Variants in SORCS3 observed in about 807,000 individuals in gnomAD.
SORCS3 encodes the protein sortilin related VPS10 domain containing receptor 3.
A neutral mutation model predicts 146.3 loss-of-function variants in SORCS3; 57 were observed. That is an observed-to-expected ratio of 0.39 (90% CI 0.31 to 0.49). The LOEUF (loss-of-function observed/expected upper bound fraction) is 0.49. SORCS3 is among the 20% of genes least tolerant of loss of function. The probability of loss-of-function intolerance (pLI) is 0.92; values close to 1 mark genes in which losing one functional copy is unlikely to be tolerated. For synonymous variants in SORCS3, 653 were observed against 618.5 expected (o/e 1.06, Z -0.83); for missense variants, 1,341 against 1,575.5 (o/e 0.85, Z 2.52).
At position 104,863,393 on chromosome 10, in the gene SORCS3, G is replaced by A. The variant is rs145548354; in HGVS notation, c.695+20534G>A. Among the ~76,000 whole-genome samples, 353 of 152,200 alleles carry A rather than the reference G, an allele frequency of 2.3e-3. 1 individual carries two copies. Among genetic ancestry groups the A allele is most frequent in the African/African-American group, 8.1e-3 (338 of 41,526 alleles). On this transcript the variant is annotated intron_variant, in intron 2 of 26. Coordinates refer to ENST00000369701, the MANE Select transcript of SORCS3 (RefSeq NM_014978.3). ...GGAATTTCTTCTTCTCTCCTCTTAC[G>A]CATTTTTAGGACCTAGGATGTGTTC...
chr10:105,071,619 T>A (rs1422071599), intron 5 of SORCS3, among the ~76,000 whole-genome samples: 1 of 152,220 alleles, frequency 6.6e-6, no homozygotes, highest in African/African-American at 2.4e-5. Flanking sequence ...AATAAGCACA[T>A]TATAGAGAAA....
intron 4 of SORCS3, among the ~76,000 whole-genome samples, chr10:104,983,950 G>A (rs1192266163): frequency 6.6e-6 from 1 of 152,028 alleles, no homozygotes; most frequent in East Asian, 1.9e-4. Context: ...TACATCTCAT[G>A]AGTCTGATGA....
At chr10:105,182,230 C>CTTTTTTTTTTT (rs11340368) in intron 14 of SORCS3, among the ~76,000 whole-genome samples, 1,477 of 70,372 alleles carry the variant, frequency 0.021, 182 homozygotes, top group South Asian at 0.051. Context: ...TATTCAGCAT[C>CTTTTTTTTTTT]TTTTTTTTTT....
chr10:104,768,986 C>T (rs1330552678), intron 1 of SORCS3, among the ~76,000 whole-genome samples: 1 of 152,192 alleles, frequency 6.6e-6, no homozygotes, highest in Non-Finnish European at 1.5e-5. Flanking sequence ...CCAGCACCCT[C>T]TCTGCAGAAT....
At chr10:105,081,495 C>T (rs544861317) in intron 5 of SORCS3, among the ~76,000 whole-genome samples, 2 of 152,284 alleles carry the variant, frequency 1.3e-5, no homozygotes, top group Non-Finnish European at 2.9e-5. Flanking sequence ...GAGGTTGTAG[C>T]GTCCAGCTCT....
intron 1 of SORCS3, among the ~76,000 whole-genome samples, chr10:104,782,479 A>G (rs901662714): frequency 6.6e-6 from 1 of 152,232 alleles, no homozygotes; most frequent in Non-Finnish European, 1.5e-5. Context: ...AAGATGTGCA[A>G]TAAGATTGCA....
At chr10:104,791,502 C>T (rs2017495248) in intron 1 of SORCS3, among the ~76,000 whole-genome samples, 1 of 152,122 alleles carries the variant, frequency 6.6e-6, no homozygotes. Context: ...GATCTAAGAC[C>T]ACTCAGGAGA....
At chr10:105,091,012 A>G (rs989075296) in intron 6 of SORCS3, among the ~76,000 whole-genome samples, 2 of 152,090 alleles carry the variant, frequency 1.3e-5, no homozygotes, top group African/African-American at 2.4e-5. Context: ...TTTTATTTTT[A>G]AAAGAGTTAG....
At chr10:104,948,785 T>G (rs1244910469) in intron 3 of SORCS3, among the ~76,000 whole-genome samples, 1 of 152,168 alleles carries the variant, frequency 6.6e-6, no homozygotes, top group Non-Finnish European at 1.5e-5. Context: ...ACATCCAGGA[T>G]GCCCTTTTTT....
chr10:104,843,085 G>A (rs1388046328), intron 2 of SORCS3, among the ~76,000 whole-genome samples: 1 of 152,198 alleles, frequency 6.6e-6, no homozygotes, highest in African/African-American at 2.4e-5. Flanking sequence ...CCCTCTCATT[G>A]CTTCTGTGCT....
At chr10:104,692,341 G>T (rs74155017) in intron 1 of SORCS3, among the ~76,000 whole-genome samples, 8,443 of 152,098 alleles carry the variant, frequency 0.056, 258 homozygotes, top group African/African-American at 0.08. Context: ...GTGCCTCAGT[G>T]GTCAAGGGCA....
rs969105257 is a variant in SORCS3 at position 104,988,261 on chromosome 10, G to A, written c.954+10768G>A. 7.9e-5 allele frequency among the ~76,000 whole-genome samples: 12 copies of A among 152,180 alleles called. No individual in the cohort carries two copies. In the East Asian group the frequency reaches 1.2e-3, roughly 15 times the overall value. On this transcript the variant is annotated intron_variant, in intron 4 of 26. Coordinates refer to ENST00000369701, the MANE Select transcript of SORCS3 (RefSeq NM_014978.3). Reference sequence around the variant, plus strand: ...CTTTCCCTTGCCTTAAGACAGAACCGCATATGGGCCACTTTTACGCTGAAC... The same window carrying A: ...CTTTCCCTTGCCTTAAGACAGAACCACATATGGGCCACTTTTACGCTGAAC...
chr10:104,978,151 A>G (rs1223988297), intron 4 of SORCS3, among the ~76,000 whole-genome samples: 4 of 152,202 alleles, frequency 2.6e-5, no homozygotes, highest in Non-Finnish European at 5.9e-5. Flanking sequence ...CAGAAAAGCT[A>G]TGGCTTATTC....
At chr10:105,233,654 G>T (rs764039054) in intron 20 of SORCS3, among the ~76,000 whole-genome samples, 4 of 152,124 alleles carry the variant, frequency 2.6e-5, no homozygotes, top group Non-Finnish European at 4.4e-5. Context: ...GTGAGAATAT[G>T]CAGTGTTTGG....
intron 2 of SORCS3, among the ~76,000 whole-genome samples, chr10:104,861,427 G>A (rs77946606): frequency 0.015 from 2,257 of 152,304 alleles, 58 homozygotes; most frequent in African/African-American, 0.049. Context: ...TAATGGTAAA[G>A]TGTTGGAACA....
chr10:105,155,364 A>G (rs2056199970), intron 9 of SORCS3, among the ~76,000 whole-genome samples: 1 of 152,126 alleles, frequency 6.6e-6, no homozygotes, highest in African/African-American at 2.4e-5. Context: ...GTCTGATCCA[A>G]ATATTTTCAT....
intron 8 of SORCS3, among the ~76,000 whole-genome samples, chr10:105,143,161 C>T (rs1158802250): frequency 1.3e-5 from 2 of 152,144 alleles, no homozygotes; most frequent in Non-Finnish European, 2.9e-5. Flanking sequence ...AAATAGATGC[C>T]TCTACATCTT....
At chr10:104,913,137 C>G (rs2018987117) in intron 2 of SORCS3, among the ~76,000 whole-genome samples, 2 of 152,104 alleles carry the variant, frequency 1.3e-5, no homozygotes, top group South Asian at 4.1e-4. Context: ...TTGGAAGATT[C>G]AGCTTGACTG....
intron 2 of SORCS3, among the ~76,000 whole-genome samples, chr10:104,850,531 G>A (rs2018264005): frequency 6.6e-6 from 1 of 152,202 alleles, no homozygotes. Context: ...GCTACAGTGA[G>A]CTGAGATCAG....
Sources: gnomAD v4.1 joint callset for allele counts (sites outside exome capture counted in the v4.1 genomes callset) on GRCh38, gnomAD v4.1.1 for gene constraint, MANE v1.5 for transcripts, NCBI Gene and HGNC (gene_info 2026-07-23, HGNC 2026-07-21) for gene names.